SLIT1: variants seen among roughly 807,000 people sequenced by gnomAD.
SLIT1 encodes slit homolog 1 protein.
SLIT1 carries 66 observed loss-of-function variants against 186.1 expected under a neutral mutation model. That is an observed-to-expected ratio of 0.35 (90% CI 0.29 to 0.44). The LOEUF is 0.44. Ranked by LOEUF, SLIT1 falls within the 20% of genes least tolerant of loss-of-function variation. The pLI is 1.00. For missense variants in SLIT1, 1,638 were observed against 2,037.4 expected (o/e 0.80, Z 3.77); for synonymous variants, 761 against 833.8 (o/e 0.91, Z 1.50).
At position 97,063,510 on chromosome 10, in the gene SLIT1, G is replaced by A. The variant is rs759206041; in HGVS notation, c.738C>T (p.Ala246=). Residue 246 remains alanine, a synonymous_variant, in exon 8 of 37, where the codon GCC becomes GCT. Coordinates refer to ENST00000266058, the MANE Select transcript of SLIT1 (RefSeq NM_003061.3). ...IGLFTQCSGP[A]SLRGLNVAEV... ...CTGCCACATTGAGGCCACGCAGGCTGGCTGGGCCCGAGCACTGGGTGAAGA... is the reference window on the plus strand; with the variant it reads ...CTGCCACATTGAGGCCACGCAGGCTAGCTGGGCCCGAGCACTGGGTGAAGA... 1 of 1,613,170 alleles carries A rather than the reference G, an allele frequency of 6.2e-7. No homozygotes were observed. Among genetic ancestry groups the A allele is most frequent in the South Asian group, 1.1e-5 (1 of 91,010 alleles).
At chr10:97,078,637 G>C (rs1006094174) in intron 4 of SLIT1, among the ~76,000 whole-genome samples, 6 of 145,114 alleles carry the variant, frequency 4.1e-5, no homozygotes, top group African/African-American at 1.6e-4. Flanking sequence ...GGGGCACACA[G>C]AAGACACAAC....
intron 5 of SLIT1, 72 bp from the exon 6 acceptor site, chr10:97,064,948 G>C: frequency 8.3e-7 from 1 of 1,198,294 alleles, no homozygotes; most frequent in Non-Finnish European, 1.2e-6. Context: ...CATTCTGACC[G>C]CGTGCTCCAT....
chr10:97,065,758 T>C, intron 5 of SLIT1: 1 of 446,466 alleles, frequency 2.2e-6, no homozygotes, highest in Admixed American at 3.4e-5. Context: ...CCCACGCTGA[T>C]AACACGCTTC....
At chr10:97,158,254 T>C (rs1376386631) in intron 3 of SLIT1, among the ~76,000 whole-genome samples, 2 of 152,230 alleles carry the variant, frequency 1.3e-5, no homozygotes, top group East Asian at 3.8e-4. Context: ...GAAACCTGAC[T>C]ACACTTGAAA....
chr10:97,037,092 G>C (rs7075754), intron 22 of SLIT1, among the ~76,000 whole-genome samples: 1 of 140,130 alleles, frequency 7.1e-6, no homozygotes, highest in Non-Finnish European at 1.6e-5. Flanking sequence ...GTGTGTGTGT[G>C]TGTGTGTATG....
At chr10:97,063,135 G>A (rs1436397921) in intron 8 of SLIT1, among the ~76,000 whole-genome samples, 1 of 152,192 alleles carries the variant, frequency 6.6e-6, no homozygotes, top group African/African-American at 2.4e-5. Context: ...GAGTGGACAA[G>A]GCAATGAGGG....
At chr10:97,082,937 G>A (rs1258575780) in intron 4 of SLIT1, among the ~76,000 whole-genome samples, 1 of 152,106 alleles carries the variant, frequency 6.6e-6, no homozygotes, top group African/African-American at 2.4e-5. Context: ...TATAGAGACA[G>A]GGTCTTACTC....
chr10:97,060,925 G>T, intron 8 of SLIT1, 138 bp from the exon 9 acceptor site: 1 of 957,354 alleles, frequency 1.0e-6, no homozygotes, highest in Non-Finnish European at 1.5e-6. Context: ...GATCACTAAT[G>T]AAATAAGATT....
At chr10:97,032,570 CA>C (rs377278794) in intron 23 of SLIT1, among the ~76,000 whole-genome samples, 3,580 of 120,722 alleles carry the variant, frequency 0.03, 50 homozygotes, top group African/African-American at 0.044. Context: ...CTCCCCATCT[CA>C]AAAAAAAAAA....
At chr10:97,099,368 C>T (rs1449448687) in intron 4 of SLIT1, among the ~76,000 whole-genome samples, 6 of 152,164 alleles carry the variant, frequency 3.9e-5, no homozygotes, top group Non-Finnish European at 8.8e-5. Flanking sequence ...CCCAGAGCAG[C>T]AGGCTCAACA....
At chr10:97,065,881 C>A (rs1195718966) in intron 5 of SLIT1, 134 bp downstream of exon 5, 1 of 665,820 alleles carries the variant, frequency 1.5e-6, no homozygotes, top group South Asian at 1.7e-5. Context: ...ACCATGCTGG[C>A]ACCAGCCCTC....
In SLIT1 at chr10:97,006,822, G is replaced by C. The variant is rs1848363457; in HGVS notation, c.3342-102C>G. Reference sequence around the variant, plus strand: ...ATTCACTAAACATCTTGGGAAAATGGATTCTTAAAGCGACAGAAGATGCTC... The same window carrying C: ...ATTCACTAAACATCTTGGGAAAATGCATTCTTAAAGCGACAGAAGATGCTC... On this transcript the variant is annotated intron_variant, in intron 31 of 36. Coordinates refer to ENST00000266058, the MANE Select transcript of SLIT1 (RefSeq NM_003061.3). The surrounding 1 kb of genome is among the most constrained non-coding windows in gnomAD (Gnocchi z 4.0). 1 of 783,346 alleles carries C rather than the reference G, an allele frequency of 1.3e-6. No individual in the cohort carries two copies. The highest frequency in any genetic ancestry group is 2.1e-6 in the Non-Finnish European group (1 of 470,300). The allele number at this position is 783,346 out of a possible 1,614,324, so 48.5% of individuals were successfully genotyped here. A position where few individuals can be genotyped will look rare whatever the true frequency, so the allele number is the denominator to read the frequency against.
chr10:97,051,095 G>A (rs1454270912), intron 13 of SLIT1, among the ~76,000 whole-genome samples: 1 of 152,208 alleles, frequency 6.6e-6, no homozygotes, highest in Non-Finnish European at 1.5e-5. Flanking sequence ...GGAAGGAAAG[G>A]AAGAGAGGAC....
intron 26 of SLIT1, among the ~76,000 whole-genome samples, chr10:97,019,762 C>T (rs1337768059): frequency 5.9e-5 from 9 of 152,102 alleles, no homozygotes; most frequent in Non-Finnish European, 1.2e-4. Flanking sequence ...GGACACCACC[C>T]GTAAGGGGCA....
rs570196004 is a variant in SLIT1, at chr10:97,003,138, T to C, written c.3866-146A>G. The C allele has an allele frequency of 6.6e-4, 497 of 752,028 alleles. 1 individual carries two copies. Among genetic ancestry groups the C allele is most frequent in the Non-Finnish European group, 9.6e-4 (449 of 470,054 alleles). The allele number at this position is 752,028 out of a possible 1,614,324, so 46.6% of individuals were successfully genotyped here. A position where few individuals can be genotyped will look rare whatever the true frequency, so the allele number is the denominator to read the frequency against. ...TCTGCAACCCTGATCCAAGGTCCTTTGCCACCTTGGAGGGCCCAGGCTCCT... is the reference window on the plus strand; with the variant it reads ...TCTGCAACCCTGATCCAAGGTCCTTCGCCACCTTGGAGGGCCCAGGCTCCT... On this transcript the variant is annotated intron_variant, in intron 34 of 36. Transcript: ENST00000266058.
chr10:97,071,475 GT>G (rs1849000785), intron 4 of SLIT1, among the ~76,000 whole-genome samples: 1 of 152,148 alleles, frequency 6.6e-6, no homozygotes, highest in Non-Finnish European at 1.5e-5. Context: ...TGCAAGGAAG[GT>G]TTTTTTATTC....
chr10:97,012,507 G>A (rs1187034201), intron 30 of SLIT1, among the ~76,000 whole-genome samples: 1 of 152,202 alleles, frequency 6.6e-6, no homozygotes, highest in Non-Finnish European at 1.5e-5. Flanking sequence ...CCGGAGCTAA[G>A]CACAATGCTT....
At chr10:97,037,047 T>TG (rs1409605235) in intron 22 of SLIT1, among the ~76,000 whole-genome samples, 23 of 132,916 alleles carry the variant, frequency 1.7e-4, no homozygotes, top group African/African-American at 1.4e-4. Flanking sequence ...AATAACCCCC[T>TG]TTGTGTGTGT....
At chr10:97,040,500 G>A (rs938573515) in intron 20 of SLIT1, among the ~76,000 whole-genome samples, 2 of 152,142 alleles carry the variant, frequency 1.3e-5, no homozygotes, top group African/African-American at 4.8e-5. Flanking sequence ...CTAGAATGCA[G>A]GCATGAGGAG....
Sources: gnomAD v4.1 joint callset for allele counts (sites outside exome capture counted in the v4.1 genomes callset) on GRCh38, gnomAD v4.1.1 for gene constraint, Gnocchi (gnomAD v3.1) non-coding constraint, MANE v1.5 for transcripts, NCBI Gene and HGNC (gene_info 2026-07-23, HGNC 2026-07-21) for gene names.